The following TENM2 variants were observed in gnomAD, a reference collection of about 807,000 sequenced individuals.
TENM2 encodes the protein teneurin transmembrane protein 2.
In TENM2, 52 loss-of-function variants were observed where a neutral mutation model predicts 245.2. The ratio of observed to expected loss-of-function variants is 0.21; its 90% CI spans 0.17 to 0.27. TENM2 has a LOEUF of 0.27. Ranked by LOEUF, TENM2 falls within the 10% of genes least tolerant of loss-of-function variation. TENM2 has a pLI of 1.00. For synonymous variants in TENM2, 1,363 were observed against 1,438.9 expected (o/e 0.95, Z 1.19); for missense variants, 3,046 against 3,666.8 (o/e 0.83, Z 4.37).
chr5:168,149,037 G>A (rs1756397355), intron 12 of TENM2, among the ~76,000 whole-genome samples: 1 of 152,228 alleles, frequency 6.6e-6, no homozygotes, highest in South Asian at 2.1e-4. Context: ...AATAACCTGG[G>A]AGCATGCTTG....
chr5:168,211,536 C>T (rs560008720), intron 19 of TENM2, among the ~76,000 whole-genome samples, 198 bp from the exon 22 acceptor site: 3 of 152,260 alleles, frequency 2.0e-5, no homozygotes, highest in Non-Finnish European at 4.4e-5. Context: ...CCAGATTGTC[C>T]AATGTCTGGG....
chr5:167,145,954 C>T, the TENM2 span, among the ~76,000 whole-genome samples: 1 of 152,032 alleles, frequency 6.6e-6, no homozygotes, highest in Non-Finnish European at 1.5e-5. Flanking sequence ...TTATTATTAT[C>T]ATTACCCGGT....
At chr5:168,200,448 G>A (rs1461621317) in intron 17 of TENM2, among the ~76,000 whole-genome samples, 1 of 152,202 alleles carries the variant, frequency 6.6e-6, no homozygotes, top group Non-Finnish European at 1.5e-5. Context: ...CAGCATTTAA[G>A]CAGAGACTAA....
intron 26 of TENM2, 64 bp from the exon 29 acceptor site, chr5:168,246,693 T>C: frequency 6.8e-7 from 1 of 1,479,948 alleles, no homozygotes; most frequent in Non-Finnish European, 9.3e-7. Flanking sequence ...CTAAATTCTG[T>C]CTGTTTGAAT....
At chr5:167,569,242 A>C (rs1774121902) in intron 2 of TENM2, among the ~76,000 whole-genome samples, 1 of 151,980 alleles carries the variant, frequency 6.6e-6, no homozygotes, top group Non-Finnish European at 1.5e-5. Flanking sequence ...CCCCAAAAAA[A>C]GTGTTGCTGA....
chr5:167,941,666 G>A (rs1478126653), intron 3 of TENM2, among the ~76,000 whole-genome samples: 5 of 137,732 alleles, frequency 3.6e-5, no homozygotes, highest in African/African-American at 1.4e-4. Flanking sequence ...GGGCAACATA[G>A]CAAAATCCCA....
chr5:168,180,450 A>G (rs1759769083), intron 13 of TENM2, among the ~76,000 whole-genome samples: 2 of 152,234 alleles, frequency 1.3e-5, no homozygotes, highest in Non-Finnish European at 2.9e-5. Flanking sequence ...GGGAATGCGT[A>G]TTAACATCCT....
At chr5:168,035,897 C>T (rs1451485539) in intron 5 of TENM2, among the ~76,000 whole-genome samples, 2 of 152,160 alleles carry the variant, frequency 1.3e-5, no homozygotes, top group African/African-American at 4.8e-5. Flanking sequence ...GTAACTGCCT[C>T]GTGAGTGTCC....
chr5:167,718,842 G>C (rs1399391380), intron 2 of TENM2, among the ~76,000 whole-genome samples: 1 of 151,674 alleles, frequency 6.6e-6, no homozygotes, highest in Non-Finnish European at 1.5e-5. Context: ...ACCTCTCTGA[G>C]CCTCAGTTTC....
chr5:167,455,206 A>G (rs537197561), intron 2 of TENM2, among the ~76,000 whole-genome samples: 1 of 152,302 alleles, frequency 6.6e-6, no homozygotes, highest in African/African-American at 2.4e-5. Flanking sequence ...TCCTTCTTAT[A>G]TGGAGTTTCT....
chr5:167,377,085 A>G (rs1278824891), intron 2 of TENM2, among the ~76,000 whole-genome samples: 1 of 152,120 alleles, frequency 6.6e-6, no homozygotes, highest in Non-Finnish European at 1.5e-5. Context: ...TAAAAAACTC[A>G]TCTAATAAGG....
the TENM2 span, among the ~76,000 whole-genome samples, chr5:167,263,137 C>T: frequency 6.6e-6 from 1 of 151,490 alleles, no homozygotes; most frequent in Non-Finnish European, 1.5e-5. Context: ...ATATTCAGAC[C>T]ATAGCAACTT....
intron 2 of TENM2, among the ~76,000 whole-genome samples, chr5:167,526,843 C>T (rs950504675): frequency 6.6e-6 from 1 of 152,038 alleles, no homozygotes; most frequent in Non-Finnish European, 1.5e-5. Flanking sequence ...AAACCTGCTC[C>T]TGAGATGTTC....
chr5:167,981,274 C>G (rs1216098090), intron 4 of TENM2, among the ~76,000 whole-genome samples: 1 of 152,208 alleles, frequency 6.6e-6, no homozygotes, highest in Non-Finnish European at 1.5e-5. Flanking sequence ...AGAGCACTTT[C>G]TAATACACTT....
chr5:167,296,841 A>C (rs1302650593), intron 1 of TENM2, among the ~76,000 whole-genome samples: 1 of 152,214 alleles, frequency 6.6e-6, no homozygotes, highest in Non-Finnish European at 1.5e-5. Context: ...ACTGAACAGC[A>C]GGGAGGCTAC....
At chr5:167,685,650 A>G (rs1334834019) in intron 2 of TENM2, among the ~76,000 whole-genome samples, 1 of 152,166 alleles carries the variant, frequency 6.6e-6, no homozygotes, top group Non-Finnish European at 1.5e-5. Flanking sequence ...AAATCTTTTT[A>G]TAAGAGTTTA....
At chr5:168,250,545 G>A (rs1767022374) in intron 27 of TENM2, among the ~76,000 whole-genome samples, 1 of 152,198 alleles carries the variant, frequency 6.6e-6, no homozygotes, top group African/African-American at 2.4e-5. Flanking sequence ...GGAGCACAGT[G>A]CTGCCATCTA....
rs140273652 is a variant in TENM2, at chr5:167,723,708, C to T, written c.503-152278C>T. Among the ~76,000 whole-genome samples, 67 of 152,296 alleles carry T rather than the reference C, an allele frequency of 4.4e-4. 1 individual carries two copies. In the East Asian group the frequency reaches 0.012, roughly 28 times the overall value. On this transcript the variant is annotated intron_variant, in intron 2 of 28. Transcript: ENST00000518659. ...GCTGTTCCCTGTCCTAATAGTCTTC[C>T]TCTTAGTGTACACAAGGCTCCCTCC...
At chr5:168,108,965 C>T (rs768855990) in intron 9 of TENM2, among the ~76,000 whole-genome samples, 17 of 152,310 alleles carry the variant, frequency 1.1e-4, no homozygotes, top group Middle Eastern at 3.4e-3. Flanking sequence ...GAAGGAGGCT[C>T]GGGTCTCAGC....
Sources: allele counts gnomAD v4.1 joint callset (sites outside exome capture counted in the v4.1 genomes callset), GRCh38; gene constraint gnomAD v4.1.1; transcripts MANE v1.5; gene names NCBI Gene and HGNC (gene_info 2026-07-23, HGNC 2026-07-21).